Variants in CACUL1 observed in about 807,000 individuals in gnomAD.
The protein encoded by CACUL1 is CDK2 associated cullin domain 1, also known as CDK2-associated and cullin domain-containing protein 1.
Under a neutral mutation model 45.2 loss-of-function variants are expected in CACUL1, and 13 were observed. That is an observed-to-expected ratio of 0.29 (90% CI 0.19 to 0.46). The LOEUF is 0.46. Among genes scored for constraint, CACUL1 ranks in the 20% least tolerant of loss-of-function variants. The pLI is 1.00. For missense variants in CACUL1, 421 were observed against 471.4 expected (o/e 0.89, Z 0.99); for synonymous variants, 197 against 174.2 (o/e 1.13, Z -1.03).
chr10:118,689,804 A>G (rs1394811442), intron 7 of CACUL1, among the ~76,000 whole-genome samples: 1 of 152,218 alleles, frequency 6.6e-6, no homozygotes, highest in Non-Finnish European at 1.5e-5. Flanking sequence ...GGCAAACTCA[A>G]TATGCTCAAA....
intron 1 of CACUL1, among the ~76,000 whole-genome samples, chr10:118,742,485 C>T (rs1268902075): frequency 6.6e-6 from 1 of 152,144 alleles, no homozygotes; most frequent in Non-Finnish European, 1.5e-5. Flanking sequence ...TCATCAACAA[C>T]ATTTTATATG....
rs1845937307 is a variant in CACUL1, at chr10:118,754,614, CGGGCAG to C, written c.143_148del (p.Pro48_Ala49del). ...CAGCAGCTGCCCCCCCGGAGGCTCT[CGGGCAG>C]GGGCCGGGATCGACGAGGGGGGCGG... On this transcript the variant is annotated inframe_deletion, in exon 1 of 9. Coordinates refer to ENST00000369151, the MANE Select transcript of CACUL1 (RefSeq NM_153810.5). 6.2e-7 allele frequency: 1 copy of C among 1,608,184 alleles called. No individual in the cohort carries two copies. The highest frequency in any genetic ancestry group is 8.5e-7 in the Non-Finnish European group (1 of 1,177,468).
chr10:118,741,355 G>A (rs1845791200), intron 1 of CACUL1, among the ~76,000 whole-genome samples: 1 of 152,000 alleles, frequency 6.6e-6, no homozygotes, highest in African/African-American at 2.4e-5. Flanking sequence ...TTTTGCTTCA[G>A]AATATCTCCA....
chr10:118,718,669 G>A lies in CACUL1; in HGVS notation c.597+10626C>T, dbSNP rs960315528. Among the ~76,000 whole-genome samples the A allele has an allele frequency of 4.0e-4, 61 of 152,248 alleles. 1 individual carries two copies. Among genetic ancestry groups the A allele is most frequent in the Admixed American group, 1.9e-3 (29 of 15,288 alleles). The stretch of plus-strand genomic sequence containing the variant: ...CGGCTCACTGCAAGCTCCACCTCCC[G>A]GGTTCACGACTTTCTCCTGCCTCAG... On this transcript the variant is annotated intron_variant, in intron 3 of 8. Coordinates refer to ENST00000369151, the MANE Select transcript of CACUL1 (RefSeq NM_153810.5).
rs1845103585 is a variant in CACUL1, at chr10:118,676,876, G to A, written c.*9252C>T. The A allele has an allele frequency of 6.6e-6, 1 of 150,708 alleles. No individual in the cohort carries two copies. The allele number at this position is 150,708 out of a possible 1,614,324, so 9.3% of individuals were successfully genotyped here. A position where few individuals can be genotyped will look rare whatever the true frequency, so the allele number is the denominator to read the frequency against. On this transcript the variant is annotated 3_prime_UTR_variant, in exon 9 of 9. Transcript: ENST00000369151. Reference sequence around the variant, plus strand: ...CACACACACACACACACACACACTGGGGTGTGCACACTACGGCATTAAAGG... The same window carrying A: ...CACACACACACACACACACACACTGAGGTGTGCACACTACGGCATTAAAGG...
chr10:118,687,064 GATTT>G (rs912038953), intron 7 of CACUL1, among the ~76,000 whole-genome samples: 5 of 152,084 alleles, frequency 3.3e-5, no homozygotes, highest in Admixed American at 2.0e-4. Flanking sequence ...CCTGAAACAC[GATTT>G]TTTTCTCTTT....
At chr10:118,689,117 A>G (rs965483953) in intron 7 of CACUL1, among the ~76,000 whole-genome samples, 5 of 152,258 alleles carry the variant, frequency 3.3e-5, no homozygotes, top group African/African-American at 4.8e-5. Flanking sequence ...AGGCTGTACT[A>G]TATTCTCCTT....
rs376319905 is a variant in CACUL1, at chr10:118,707,439, G to A, written c.693+53C>T. 1.3e-4 allele frequency: 105 copies of A among 822,232 alleles called. No homozygotes were observed. The African/African-American group carries it at 1.6e-3, about 13-fold the overall frequency. The allele number at this position is 822,232 out of a possible 1,614,324, so 50.9% of individuals were successfully genotyped here. ...TGCTTAACTCTCTGCATCTATTTGT[G>A]CTCTCAACAATACACCTAGGTATTT... On this transcript the variant is annotated intron_variant, in intron 4 of 8. Transcript: ENST00000369151.
At chr10:118,696,519 C>CTT in intron 5 of CACUL1, among the ~76,000 whole-genome samples, 1 of 152,308 alleles carries the variant, frequency 6.6e-6, no homozygotes, top group South Asian at 2.1e-4. Flanking sequence ...CGGCAGGCGC[C>CTT]TGTAATCCCA....
At chr10:118,696,109 C>T (rs1478688156) in intron 5 of CACUL1, among the ~76,000 whole-genome samples, 1 of 152,138 alleles carries the variant, frequency 6.6e-6, no homozygotes, top group Non-Finnish European at 1.5e-5. Context: ...CTCAAACGTA[C>T]AATTTGAGTT....
intron 1 of CACUL1, among the ~76,000 whole-genome samples, chr10:118,753,257 G>A (rs1845915164): frequency 6.6e-6 from 1 of 152,234 alleles, no homozygotes; most frequent in Non-Finnish European, 1.5e-5. Flanking sequence ...ACATATCAAT[G>A]TCTTTGACTA....
chr10:118,711,207 G>A (rs1383895689), intron 3 of CACUL1, among the ~76,000 whole-genome samples: 1 of 152,192 alleles, frequency 6.6e-6, no homozygotes, highest in African/African-American at 2.4e-5. Flanking sequence ...AGCCTCCTGA[G>A]TAGCTGGGAT....
intron 3 of CACUL1, among the ~76,000 whole-genome samples, chr10:118,723,268 G>C (rs1845618345): frequency 6.6e-6 from 1 of 151,638 alleles, no homozygotes; most frequent in African/African-American, 2.4e-5. Context: ...TTTTACTACA[G>C]ACTGTATCCT....
intron 3 of CACUL1, among the ~76,000 whole-genome samples, chr10:118,720,658 G>A (rs1845591512): frequency 6.6e-6 from 1 of 152,126 alleles, no homozygotes; most frequent in Admixed American, 6.5e-5. Context: ...TAATGTCAGT[G>A]GTAAAGCCAG....
chr10:118,750,016 T>C (rs1006593752), intron 1 of CACUL1, among the ~76,000 whole-genome samples: 1 of 152,206 alleles, frequency 6.6e-6, no homozygotes, highest in African/African-American at 2.4e-5. Context: ...ACACTATCAA[T>C]GTCAAAGACT....
At chr10:118,730,246 T>A (rs761238618) in intron 2 of CACUL1, 38 bp downstream of exon 2, 1 of 1,608,184 alleles carries the variant, frequency 6.2e-7, no homozygotes, top group Admixed American at 1.7e-5. Context: ...AACCTTAGTA[T>A]ACCCTTTCAA....
chr10:118,706,594 AG>A (rs754456239), intron 4 of CACUL1, among the ~76,000 whole-genome samples: 10 of 152,214 alleles, frequency 6.6e-5, no homozygotes, highest in Non-Finnish European at 1.0e-4. Context: ...TGATTCATAA[AG>A]GAGTTTTGGC....
intron 3 of CACUL1, among the ~76,000 whole-genome samples, chr10:118,728,188 G>A (rs981495454): frequency 1.1e-4 from 16 of 152,148 alleles, no homozygotes; most frequent in African/African-American, 3.9e-4. Context: ...CAGACCACAA[G>A]TTGTGAAGAA....
intron 6 of CACUL1, chr10:118,693,528 G>A (rs980868396): frequency 6.8e-6 from 2 of 294,586 alleles, no homozygotes; most frequent in Admixed American, 8.4e-5. Flanking sequence ...ATAGCATTTA[G>A]ATAAACATGT....
Sources: allele counts gnomAD v4.1 joint callset (sites outside exome capture counted in the v4.1 genomes callset), GRCh38; gene constraint gnomAD v4.1.1; transcripts MANE v1.5; gene names NCBI Gene and HGNC (gene_info 2026-07-23, HGNC 2026-07-21).